Variants in ANKRD44 observed in about 807,000 individuals in gnomAD.
The protein encoded by ANKRD44 is ankyrin repeat domain 44.
ANKRD44 carries 35 observed loss-of-function variants against 116.0 expected under a neutral mutation model. The ratio of observed to expected loss-of-function variants is 0.30; its 90% confidence interval spans 0.23 to 0.40. ANKRD44 has a LOEUF of 0.40. ANKRD44 is among the 10% of genes least tolerant of loss of function. ANKRD44 has a pLI of 1.00. For missense variants in ANKRD44, 1,014 were observed against 1,242.6 expected (o/e 0.82, Z 2.77); for synonymous variants, 435 against 461.8 (o/e 0.94, Z 0.74).
At chr2:197,238,724 A>G (rs2082026829) in intron 1 of ANKRD44, among the ~76,000 whole-genome samples, 1 of 151,198 alleles carries the variant, frequency 6.6e-6, no homozygotes, top group Non-Finnish European at 1.5e-5. Flanking sequence ...TTTATTTTTT[A>G]GATGGAGTCT....
chr2:197,187,197 G>A (rs947428247), intron 1 of ANKRD44, 91 bp from the exon 2 acceptor site: 1 of 1,308,344 alleles, frequency 7.6e-7, no homozygotes, highest in Non-Finnish European at 1.1e-6. Context: ...TTCCTTAAAA[G>A]TTTATTGAAC....
rs77637393 is a variant in ANKRD44, at chr2:197,009,848, G to T, written c.1925-817C>A. 1.6e-3 allele frequency among the ~76,000 whole-genome samples: 251 copies of T among 152,200 alleles called. 1 individual carries two copies. In the East Asian group the frequency reaches 0.03, roughly 18 times the overall value. On this transcript the variant is annotated intron_variant, in intron 18 of 27. Coordinates refer to ENST00000282272, the MANE Select transcript of ANKRD44 (RefSeq NM_001195144.2). ...TCCTTTTCTAGTTCCTGTGTTGAGG[G>T]TTTTTTCTTACACTTGGGGTCCTTT...
intron 1 of ANKRD44, among the ~76,000 whole-genome samples, chr2:197,271,339 T>C (rs1365872482): frequency 1.3e-5 from 2 of 152,194 alleles, no homozygotes. Flanking sequence ...CCTTCTACCA[T>C]GTGAGGACTG....
At position 197,094,581 on chromosome 2, in the gene ANKRD44, ATCTT is replaced by A. The variant is rs2078118892; in HGVS notation, c.1101-4553_1101-4550del. Reference sequence around the variant, plus strand: ...ATCATGATCGGTTAACATTTCTGTTATCTTTCTGTGTGTCTAAATTCTTTATAAT... The same window carrying A: ...ATCATGATCGGTTAACATTTCTGTTATCTGTGTGTCTAAATTCTTTATAAT... On this transcript the variant is annotated intron_variant, in intron 10 of 27. Transcript: ENST00000282272. Among the ~76,000 whole-genome samples the A allele has an allele frequency of 2.0e-5, 3 of 152,332 alleles. No homozygotes were observed. The South Asian group carries it at 6.2e-4, about 32-fold the overall frequency.
At chr2:197,187,189 C>T in intron 1 of ANKRD44, 83 bp from the exon 2 acceptor site, 1 of 1,389,140 alleles carries the variant, frequency 7.2e-7, no homozygotes, top group African/African-American at 1.4e-5. Context: ...AAGATTTGTT[C>T]CTTAAAAGTT....
chr2:197,096,098 G>A (rs1286598664), intron 10 of ANKRD44, among the ~76,000 whole-genome samples: 1 of 152,142 alleles, frequency 6.6e-6, no homozygotes, highest in East Asian at 1.9e-4. Context: ...CTAGTCTTGT[G>A]AGACTGGGTT....
chr2:197,080,488 C>G (rs998478952), intron 15 of ANKRD44, among the ~76,000 whole-genome samples: 1 of 152,218 alleles, frequency 6.6e-6, no homozygotes, highest in African/African-American at 2.4e-5. Flanking sequence ...CTTGTCCCCT[C>G]CCTCTCTATC....
At chr2:197,125,539 G>T in intron 5 of ANKRD44, 71 bp from the exon 6 acceptor site, 2 of 1,354,116 alleles carry the variant, frequency 1.5e-6, no homozygotes, top group Non-Finnish European at 2.1e-6. Flanking sequence ...GCCTGCAGAT[G>T]ATCTGAGCCA....
chr2:197,043,968 AT>A (rs2076956935), intron 16 of ANKRD44, among the ~76,000 whole-genome samples: 1 of 152,214 alleles, frequency 6.6e-6, no homozygotes, highest in Admixed American at 6.5e-5. Flanking sequence ...TGTGATTTTT[AT>A]TTCTGATCTT....
In ANKRD44 at chr2:197,114,990, C is replaced by T. The variant is rs187677858; in HGVS notation, c.907-4146G>A. On this transcript the variant is annotated intron_variant, in intron 8 of 27. Coordinates refer to ENST00000282272, the MANE Select transcript of ANKRD44 (RefSeq NM_001195144.2). The stretch of plus-strand genomic sequence containing the variant: ...TAAGTACCGTCCCTATCACTGCCTA[C>T]TCTTGCCCATTCCAGTTTCCACCTT... Among the ~76,000 whole-genome samples the T allele has an allele frequency of 1.1e-4, 16 of 152,326 alleles. 1 individual carries two copies. The East Asian group carries it at 1.3e-3, about 13-fold the overall frequency.
intron 3 of ANKRD44, among the ~76,000 whole-genome samples, chr2:197,139,368 G>A: frequency 6.6e-6 from 1 of 152,192 alleles, no homozygotes; most frequent in East Asian, 1.9e-4. Flanking sequence ...TATATAAACA[G>A]ATGTACTTTT....
chr2:197,197,827 A>AAAAAG (rs1553528679), intron 1 of ANKRD44, among the ~76,000 whole-genome samples: 24 of 45,160 alleles, frequency 5.3e-4, no homozygotes, highest in Admixed American at 2.1e-3. Context: ...AAAAAAAAAA[A>AAAAAG]AAAGAAAGAA....
chr2:197,114,525 A>G (rs1284129444), intron 8 of ANKRD44, among the ~76,000 whole-genome samples: 6 of 152,196 alleles, frequency 3.9e-5, no homozygotes, highest in Non-Finnish European at 8.8e-5. Context: ...AGCAGTGTTT[A>G]TATTTTCTTG....
In ANKRD44 at chr2:197,059,897, C is replaced by G. The variant is rs148638364; in HGVS notation, c.1650+18806G>C. 3.9e-5 allele frequency among the ~76,000 whole-genome samples: 6 copies of G among 152,358 alleles called. No individual in the cohort carries two copies. The East Asian group carries it at 7.7e-4, about 20-fold the overall frequency. On this transcript the variant is annotated intron_variant, in intron 16 of 27. Coordinates refer to ENST00000282272, the MANE Select transcript of ANKRD44 (RefSeq NM_001195144.2). Reference sequence around the variant, plus strand: ...TGTCAAACCAAGTCCAGACATTTCTCTACACTCTCCATCCTTCAATTCGTT... The same window carrying G: ...TGTCAAACCAAGTCCAGACATTTCTGTACACTCTCCATCCTTCAATTCGTT...
chr2:197,291,751 G>C (rs1334769852), intron 1 of ANKRD44, among the ~76,000 whole-genome samples: 2 of 152,078 alleles, frequency 1.3e-5, no homozygotes, highest in African/African-American at 4.8e-5. Flanking sequence ...GTATACATGT[G>C]CCATGTTGGC....
intron 21 of ANKRD44, among the ~76,000 whole-genome samples, chr2:196,975,272 T>A (rs2075748556): frequency 6.6e-6 from 1 of 152,086 alleles, no homozygotes; most frequent in South Asian, 2.1e-4. Flanking sequence ...AAGAAATAGA[T>A]AATAGATCTC....
At chr2:197,046,166 T>C (rs992080003) in intron 16 of ANKRD44, among the ~76,000 whole-genome samples, 1 of 152,204 alleles carries the variant, frequency 6.6e-6, no homozygotes, top group African/African-American at 2.4e-5. Flanking sequence ...TTTAACTTTC[T>C]TCCCTATTCT....
chr2:197,038,980 T>C (rs566845159), intron 16 of ANKRD44, among the ~76,000 whole-genome samples: 1 of 152,180 alleles, frequency 6.6e-6, no homozygotes, highest in South Asian at 2.1e-4. Context: ...CCCATATTAT[T>C]TTGGAGGTCC....
At chr2:197,068,392 A>AT (rs1553500794) in intron 16 of ANKRD44, among the ~76,000 whole-genome samples, 3 of 67,970 alleles carry the variant, frequency 4.4e-5, no homozygotes, top group East Asian at 7.8e-4. Flanking sequence ...AAAAATAAAA[A>AT]AAAAATAAAA....
Sources: gnomAD v4.1 joint callset for allele counts (sites outside exome capture counted in the v4.1 genomes callset) on GRCh38, gnomAD v4.1.1 for gene constraint, MANE v1.5 for transcripts, NCBI Gene and HGNC (gene_info 2026-07-23, HGNC 2026-07-21) for gene names.